Variants in KIF16B observed in about 807,000 individuals in gnomAD.
KIF16B encodes the protein kinesin family member 16B, also known as kinesin-like protein KIF16B.
Under a neutral mutation model 156.3 loss-of-function variants are expected in KIF16B, and 98 were observed. That is an observed-to-expected ratio of 0.63 (90% CI 0.53 to 0.74). The LOEUF is 0.74. KIF16B is among the 30% of genes least tolerant of loss of function. KIF16B has a pLI of 0.00. For synonymous variants in KIF16B, 564 were observed against 583.7 expected (o/e 0.97, Z 0.49); for missense variants, 1,421 against 1,606.5 (o/e 0.88, Z 1.97).
At chr20:16,326,437 G>A (rs892374456) in intron 24 of KIF16B, among the ~76,000 whole-genome samples, 1 of 149,684 alleles carries the variant, frequency 6.7e-6, no homozygotes, top group Non-Finnish European at 1.5e-5. Flanking sequence ...TCTATAAGGA[G>A]CTCAAAGAAA....
intron 12 of KIF16B, among the ~76,000 whole-genome samples, chr20:16,477,184 G>T (rs1232651516): frequency 8.3e-6 from 1 of 119,854 alleles, no homozygotes. Flanking sequence ...CAATTTCCTT[G>T]TGGGTTTTTT....
intron 12 of KIF16B, among the ~76,000 whole-genome samples, chr20:16,437,800 T>A (rs1600395649): frequency 1.3e-5 from 2 of 152,008 alleles, no homozygotes. Context: ...GCAAGTGGTG[T>A]CTAGTAACTT....
chr20:16,505,824 G>T lies in KIF16B; in HGVS notation c.898C>A (p.Leu300Ile). 6.2e-7 allele frequency: 1 copy of T among 1,613,968 alleles called. No homozygotes were observed. The highest frequency in any genetic ancestry group is 8.5e-7 in the Non-Finnish European group (1 of 1,179,906). The change falls in exon 9 of 26, where the codon CTT (leucine) becomes ATT (isoleucine). Residue 300 changes from leucine to isoleucine, a missense_variant. Leu to Ile is a conservative substitution (Grantham distance 5, BLOSUM62 2). Transcript: ENST00000354981. The stretch of plus-strand genomic sequence containing the variant: ...ACGAAAACTTGCTTCTTCTTTGCAA[G>T]AGTATTTGCAGCATCCTGAGATAAA... ...ADLSQDAANT[L>I]AKKKQVFVPY...
chr20:16,348,528 T>A (rs1236556279), intron 23 of KIF16B, among the ~76,000 whole-genome samples: 1 of 152,190 alleles, frequency 6.6e-6, no homozygotes, highest in East Asian at 1.9e-4. Context: ...GAGCTGCAAT[T>A]GCCTACAGAG....
intron 9 of KIF16B, among the ~76,000 whole-genome samples, chr20:16,505,329 T>G (rs1168603891): frequency 2.0e-5 from 3 of 151,784 alleles, no homozygotes; most frequent in East Asian, 3.9e-4. Flanking sequence ...ATGCATTGGG[T>G]TTTTTTTTCC....
intron 12 of KIF16B, among the ~76,000 whole-genome samples, chr20:16,432,653 T>G (rs190785259): frequency 5.9e-5 from 9 of 152,044 alleles, no homozygotes; most frequent in African/African-American, 2.2e-4. Flanking sequence ...GAGAGAGAAG[T>G]CCCTCAGGCC....
chr20:16,427,226 T>C lies in KIF16B; in HGVS notation c.1490A>G (p.Asp497Gly). Residue 497 changes from aspartate (D) to glycine (G), a missense_variant, in exon 15 of 26, where the codon GAC becomes GGC. Transcript: ENST00000354981. ...AAAGATGCAATGCTCACTCTCCAAG[T>C]CAAGGCCATGAAGAACTAAAGTGGA... ...TEQDIVLHGLDLESEHCIFEN... is the reference protein window; with the variant it reads ...TEQDIVLHGLGLESEHCIFEN... The C allele has an allele frequency of 1.2e-6, 2 of 1,611,164 alleles. No homozygotes were observed. Among genetic ancestry groups the C allele is most frequent in the South Asian group, 2.2e-5 (2 of 90,374 alleles).
At chr20:16,391,696 C>T (rs2065370124) in intron 17 of KIF16B, among the ~76,000 whole-genome samples, 1 of 152,134 alleles carries the variant, frequency 6.6e-6, no homozygotes, top group Admixed American at 6.5e-5. Context: ...CCACATGGTG[C>T]CAGCAGGAGA....
intron 12 of KIF16B, among the ~76,000 whole-genome samples, chr20:16,447,322 T>C (rs2066961517): frequency 6.6e-6 from 1 of 152,100 alleles, no homozygotes; most frequent in African/African-American, 2.4e-5. Context: ...AGTTCCTTTT[T>C]TTTAATCACT....
At chr20:16,277,580 G>T (rs6080199) in intron 25 of KIF16B, among the ~76,000 whole-genome samples, 2 of 151,554 alleles carry the variant, frequency 1.3e-5, no homozygotes, top group African/African-American at 2.4e-5. Flanking sequence ...GTGGCTGAAG[G>T]GAGAAAATTA....
At chr20:16,288,125 G>A (rs1435173176) in intron 25 of KIF16B, among the ~76,000 whole-genome samples, 1 of 152,204 alleles carries the variant, frequency 6.6e-6, no homozygotes, top group Admixed American at 6.5e-5. Flanking sequence ...GAGCCCTGGA[G>A]GCACACTATG....
intron 1 of KIF16B, among the ~76,000 whole-genome samples, chr20:16,567,922 A>G (rs576720776): frequency 2.0e-5 from 3 of 152,222 alleles, no homozygotes; most frequent in Non-Finnish European, 4.4e-5. Context: ...ACTGCACTCC[A>G]GCCTGGGCAA....
At chr20:16,376,743 G>A (rs977871529) in intron 19 of KIF16B, among the ~76,000 whole-genome samples, 2 of 152,166 alleles carry the variant, frequency 1.3e-5, no homozygotes, top group Non-Finnish European at 2.9e-5. Flanking sequence ...TAAATGGCCA[G>A]GTGACAAAAG....
intron 15 of KIF16B, among the ~76,000 whole-genome samples, chr20:16,410,157 A>G (rs191610301): frequency 2.6e-5 from 3 of 117,000 alleles, no homozygotes; most frequent in East Asian, 4.3e-4. Context: ...GTACATATAC[A>G]TATATGTAGG....
In KIF16B at chr20:16,362,689, C is replaced by T. The variant is rs191609025; in HGVS notation, c.3499-6237G>A. 9.9e-5 allele frequency among the ~76,000 whole-genome samples: 15 copies of T among 152,250 alleles called. No individual in the cohort carries two copies. The East Asian group carries it at 2.9e-3, about 29-fold the overall frequency. ...CTAGATTTAAGTCCCAATTCTCAAC[C>T]TAGTAATCCTTTTTGAGTCTAAATT... is the stretch of plus-strand genomic sequence containing the variant. On this transcript the variant is annotated intron_variant, in intron 22 of 25. Transcript: ENST00000354981.
chr20:16,363,132 T>C (rs918270446), intron 22 of KIF16B, among the ~76,000 whole-genome samples: 3 of 152,198 alleles, frequency 2.0e-5, no homozygotes, highest in African/African-American at 7.2e-5. Flanking sequence ...AAGTGTCTTC[T>C]CTGAAGGGTT....
chr20:16,343,017 G>A (rs1008565094), intron 23 of KIF16B, among the ~76,000 whole-genome samples: 2 of 152,174 alleles, frequency 1.3e-5, no homozygotes, highest in African/African-American at 4.8e-5. Flanking sequence ...GCATGAAATG[G>A]GGTGCTGATG....
chr20:16,377,783 C>T (rs1178927621), intron 19 of KIF16B, among the ~76,000 whole-genome samples: 1 of 152,146 alleles, frequency 6.6e-6, no homozygotes, highest in East Asian at 1.9e-4. Flanking sequence ...ATCAAGTCTT[C>T]AAGGCTCCAG....
rs146744592 is a variant in KIF16B at position 16,515,652 on chromosome 20, G to C, written c.244C>G (p.Leu82Val). 3.1e-4 allele frequency: 504 copies of C among 1,608,642 alleles called. No individual in the cohort carries two copies. Among genetic ancestry groups the C allele is most frequent in the Non-Finnish European group, 3.9e-4 (463 of 1,176,868 alleles). The change falls in exon 4 of 26, where the codon CTC becomes GTC. Residue 82 changes from leucine to valine, a missense_variant. By Grantham distance (32) the Leu-to-Val change is conservative (BLOSUM62 1). Coordinates refer to ENST00000354981, the MANE Select transcript of KIF16B (RefSeq NM_024704.5). ...YVSQEMVFKT[L>V]GTDVVKSAFE... ...GCAGACTTCACGACATCTGTGCCGAGGGTTTTGAAAACCTGAAAGCCAAAA... is the reference window on the plus strand; with the variant it reads ...GCAGACTTCACGACATCTGTGCCGACGGTTTTGAAAACCTGAAAGCCAAAA...
Sources: gnomAD v4.1 joint callset for allele counts (sites outside exome capture counted in the v4.1 genomes callset) on GRCh38, gnomAD v4.1.1 for gene constraint, MANE v1.5 for transcripts, NCBI Gene and HGNC (gene_info 2026-07-23, HGNC 2026-07-21) for gene names.